The following SCN3A variants were observed in gnomAD, a reference collection of about 807,000 sequenced individuals.
SCN3A encodes the protein sodium channel protein type 3 subunit alpha.
Under a neutral mutation model 187.6 loss-of-function variants are expected in SCN3A, and 60 were observed. The ratio of observed to expected loss-of-function variants is 0.32; its 90% CI spans 0.26 to 0.40. SCN3A has a LOEUF of 0.40. SCN3A is among the 10% of genes least tolerant of loss of function. SCN3A has a pLI of 1.00. For synonymous variants in SCN3A, 788 were observed against 829.2 expected, an observed-to-expected ratio of 0.95 and a Z score of 0.85; for missense variants, 1,601 against 2,428.2, an observed-to-expected ratio of 0.66 and a Z score of 7.16.
intron 12 of SCN3A, among the ~76,000 whole-genome samples, chr2:165,146,164 C>A (rs1688306845): frequency 6.6e-6 from 1 of 152,016 alleles, no homozygotes; most frequent in Non-Finnish European, 1.5e-5. Context: ...GGAGACTCAC[C>A]ATAGTCCAGT....
At chr2:165,121,748 C>T (rs1399344316) in intron 18 of SCN3A, among the ~76,000 whole-genome samples, 1 of 152,160 alleles carries the variant, frequency 6.6e-6, no homozygotes, top group Non-Finnish European at 1.5e-5. Flanking sequence ...AAATTTCCCT[C>T]CCAGAACCCG....
intron 17 of SCN3A, among the ~76,000 whole-genome samples, chr2:165,128,773 CT>C (rs1687145432): frequency 2.0e-5 from 3 of 149,214 alleles, no homozygotes. Context: ...ACATAAGTTA[CT>C]TTTCTTTTTC....
intron 18 of SCN3A, 133 bp from the exon 19 acceptor site, chr2:165,115,708 G>T: frequency 1.2e-6 from 1 of 831,596 alleles, no homozygotes; most frequent in East Asian, 2.6e-5. Flanking sequence ...TGATCATTAT[G>T]TACTAATAAT....
At chr2:165,136,853 G>A (rs1687699712) in intron 15 of SCN3A, among the ~76,000 whole-genome samples, 1 of 152,132 alleles carries the variant, frequency 6.6e-6, no homozygotes, top group Non-Finnish European at 1.5e-5. Context: ...TTATCCAATT[G>A]TCCACCAGCA....
chr2:165,096,558 T>G, intron 23 of SCN3A, 38 bp from the exon 24 acceptor site: 1 of 1,476,734 alleles, frequency 6.8e-7, no homozygotes, highest in South Asian at 1.1e-5. Context: ...CATAAAAATT[T>G]CACCTAACAA....
chr2:165,128,426 C>CGAGAGA (rs35511955), intron 17 of SCN3A, among the ~76,000 whole-genome samples: 10 of 141,206 alleles, frequency 7.1e-5, no homozygotes, highest in Non-Finnish European at 1.3e-4. Context: ...ATTCTGCCAA[C>CGAGAGA]GAGAGAGAGA....
At chr2:165,199,608 T>C (rs1185241314) in intron 1 of SCN3A, among the ~76,000 whole-genome samples, 1 of 151,828 alleles carries the variant, frequency 6.6e-6, no homozygotes. Context: ...AAAAAATACT[T>C]GGCACATTGA....
intron 5 of SCN3A, among the ~76,000 whole-genome samples, chr2:165,166,073 G>A (rs571975449): frequency 1.4e-4 from 21 of 152,302 alleles, no homozygotes; most frequent in African/African-American, 5.1e-4. Flanking sequence ...CACCACACAT[G>A]TATGTTCTGT....
intron 21 of SCN3A, among the ~76,000 whole-genome samples, chr2:165,108,869 G>T (rs1685983338): frequency 6.6e-6 from 1 of 152,076 alleles, no homozygotes; most frequent in Non-Finnish European, 1.5e-5. Context: ...TCCTTCTAGT[G>T]CAGTATTCTG....
At chr2:165,176,608 C>A (rs1035532498) in intron 2 of SCN3A, among the ~76,000 whole-genome samples, 164 bp from the exon 3 acceptor site, 5 of 152,036 alleles carry the variant, frequency 3.3e-5, no homozygotes, top group Non-Finnish European at 5.9e-5. Context: ...ATCATTCAAC[C>A]TCATTCTCAA....
intron 5 of SCN3A, 58 bp from the exon 6 acceptor site, chr2:165,164,578 T>A: frequency 6.3e-7 from 1 of 1,578,148 alleles, no homozygotes; most frequent in Admixed American, 1.7e-5. Flanking sequence ...AAAATAAATG[T>A]TTTCAATCAT....
chr2:165,168,857 G>C, intron 4 of SCN3A, 32 bp from the exon 5 acceptor site: 2 of 1,435,360 alleles, frequency 1.4e-6, no homozygotes, highest in Non-Finnish European at 2.0e-6. Context: ...AATGTTAGTA[G>C]GTTACCATGG....
chr2:165,199,852 T>TA (rs1357084399), intron 1 of SCN3A, among the ~76,000 whole-genome samples: 1 of 152,096 alleles, frequency 6.6e-6, no homozygotes, highest in East Asian at 1.9e-4. Flanking sequence ...CTGCACTTGT[T>TA]ACATCCCATT....
chr2:165,114,124 A>G (rs1686244815), intron 19 of SCN3A, among the ~76,000 whole-genome samples, 154 bp from the exon 20 acceptor site: 1 of 152,146 alleles, frequency 6.6e-6, no homozygotes, highest in Non-Finnish European at 1.5e-5. Context: ...TCCCTCCTGT[A>G]TAATGAATTA....
Position 165,091,117 on chromosome 2 carries a change from T to A in SCN3A, c.5036A>T (p.Tyr1679Phe). 6.2e-7 allele frequency: 1 copy of A among 1,614,032 alleles called. No homozygotes were observed. The highest frequency in any genetic ancestry group is 1.3e-5 in the African/African-American group (1 of 75,012). The part of the protein sequence containing the change: ...YAIFGMSNFA[Y>F]VKKEAGIDDM... ...ATCAATTCCAGCTTCCTTTTTAACATAGGCAAAGTTGGACATCCCAAAGAT... is the reference window on the plus strand; with the variant it reads ...ATCAATTCCAGCTTCCTTTTTAACAAAGGCAAAGTTGGACATCCCAAAGAT... The change falls in exon 28 of 28, where the codon TAT (tyrosine) becomes TTT (phenylalanine). Residue 1679 changes from tyrosine to phenylalanine, a missense_variant. Transcript: ENST00000283254.
intron 3 of SCN3A, among the ~76,000 whole-genome samples, chr2:165,173,143 A>T (rs1440777554): frequency 2.0e-5 from 3 of 152,186 alleles, no homozygotes; most frequent in Admixed American, 6.6e-5. Context: ...AAGTTTACTA[A>T]AAGTTTTACT....
intron 1 of SCN3A, among the ~76,000 whole-genome samples, chr2:165,195,988 AAT>A (rs530995686): frequency 6.6e-5 from 10 of 152,254 alleles, no homozygotes; most frequent in Non-Finnish European, 1.3e-4. Context: ...TAGTTCTTAC[AAT>A]TGTCATCATG....
chr2:165,190,522 C>G (rs1691524518), intron 1 of SCN3A, among the ~76,000 whole-genome samples: 1 of 145,316 alleles, frequency 6.9e-6, no homozygotes, highest in African/African-American at 2.5e-5. Context: ...ATATATATAA[C>G]TTTATATATA....
At chr2:165,169,664 C>T (rs1361481651) in intron 4 of SCN3A, among the ~76,000 whole-genome samples, 1 of 151,696 alleles carries the variant, frequency 6.6e-6, no homozygotes, top group Non-Finnish European at 1.5e-5. Context: ...TTTCATTTGC[C>T]CTGTCTCTAG....
Sources: gnomAD v4.1 joint callset for allele counts (sites outside exome capture counted in the v4.1 genomes callset) on GRCh38, gnomAD v4.1.1 for gene constraint, MANE v1.5 for transcripts, NCBI Gene and HGNC (gene_info 2026-07-23, HGNC 2026-07-21) for gene names.